The following UBR1 variants were observed in gnomAD, a reference collection of about 807,000 sequenced individuals.
UBR1 encodes E3 ubiquitin-protein ligase UBR1.
UBR1 carries 102 observed loss-of-function variants against 242.1 expected under a neutral mutation model. The observed-to-expected ratio is 0.42, with a 90% CI of 0.36 to 0.50. The LOEUF is 0.50. UBR1 is among the 20% of genes least tolerant of loss of function. The pLI is 0.01. For synonymous variants in UBR1, 675 were observed against 684.8 expected, an observed-to-expected ratio of 0.99 and a Z score of 0.22; for missense variants, 1,772 against 2,101.8, an observed-to-expected ratio of 0.84 and a Z score of 3.07.
chr15:43,055,022 C>T, intron 11 of UBR1, 123 bp from the exon 12 acceptor site: 1 of 1,175,966 alleles, frequency 8.5e-7, no homozygotes, highest in Non-Finnish European at 1.2e-6. Flanking sequence ...GAATGTTAAA[C>T]ACAGTCCTTA....
chr15:43,072,613 A>C (rs1336469566), intron 4 of UBR1, among the ~76,000 whole-genome samples: 1 of 152,214 alleles, frequency 6.6e-6, no homozygotes, highest in Admixed American at 6.5e-5. Flanking sequence ...TGACTTCAGG[A>C]GGAAAACATC....
At position 42,960,009 on chromosome 15, in the gene UBR1, GT is replaced by G. The variant is rs1199271605; in HGVS notation, c.4757+635del. On this transcript the variant is annotated intron_variant, in intron 43 of 46. Transcript: ENST00000290650. ...AAATTAGACACCGTATACAATACCA[GT>G]CAGGCCCTCGGAGGGGATACAAAGA... Among the ~76,000 whole-genome samples, 11 of 152,340 alleles carry G rather than the reference GT, an allele frequency of 7.2e-5. No individual in the cohort carries two copies. In the East Asian group the frequency reaches 2.1e-3, roughly 29 times the overall value.
intron 1 of UBR1, among the ~76,000 whole-genome samples, chr15:43,093,115 G>C (rs908056263): frequency 1.3e-5 from 2 of 152,114 alleles, no homozygotes; most frequent in African/African-American, 4.8e-5. Context: ...TTCTTAACAA[G>C]TTCTCAACAT....
intron 40 of UBR1, 74 bp from the exon 41 acceptor site, chr15:42,966,360 T>C: frequency 1.3e-6 from 2 of 1,568,040 alleles, no homozygotes; most frequent in Non-Finnish European, 8.8e-7. Flanking sequence ...ATATCCCCCT[T>C]TTCAAATACA....
At chr15:42,999,760 T>C (rs1010013622) in intron 32 of UBR1, among the ~76,000 whole-genome samples, 2 of 151,830 alleles carry the variant, frequency 1.3e-5, no homozygotes, top group African/African-American at 4.8e-5. Flanking sequence ...CCCAAGAAGG[T>C]TGAGGCTGAA....
Position 43,081,404 on chromosome 15 carries a change from C to T in UBR1, c.417+1234G>A, listed in dbSNP as rs993728072. Reference sequence around the variant, plus strand: ...TGCACTCTAGCCTGGGAAATAACAGCGACACCCCATCTCAAAAAAAAAAAA... The same window carrying T: ...TGCACTCTAGCCTGGGAAATAACAGTGACACCCCATCTCAAAAAAAAAAAA... On this transcript the variant is annotated intron_variant, in intron 3 of 46. Transcript: ENST00000290650. Among the ~76,000 whole-genome samples the T allele has an allele frequency of 4.7e-5, 6 of 127,428 alleles. 1 individual carries two copies. The highest frequency in any genetic ancestry group is 2.2e-4 in the East Asian group (1 of 4,584). The allele number at this position is 127,428 out of a possible 152,430, so 83.6% of individuals were successfully genotyped here. A position where few individuals can be genotyped will look rare whatever the true frequency, so the allele number is the denominator to read the frequency against.
chr15:43,055,339 G>A (rs2033603888), intron 11 of UBR1, among the ~76,000 whole-genome samples: 1 of 152,082 alleles, frequency 6.6e-6, no homozygotes. Flanking sequence ...AGTTATTCAG[G>A]AGGCTGAGGC....
chr15:43,000,315 A>C (rs1476300534), intron 32 of UBR1, among the ~76,000 whole-genome samples: 6 of 152,364 alleles, frequency 3.9e-5, no homozygotes, highest in South Asian at 4.1e-4. Context: ...AACTAGTTCT[A>C]AGAGTTTTAA....
chr15:43,070,220 T>C (rs1361575350), intron 5 of UBR1, among the ~76,000 whole-genome samples: 2 of 134,928 alleles, frequency 1.5e-5, no homozygotes, highest in African/African-American at 5.7e-5. Context: ...GAAAGACTTA[T>C]GGCTACCAGA....
chr15:43,078,630 T>C (rs2033935578), intron 3 of UBR1, among the ~76,000 whole-genome samples: 1 of 152,122 alleles, frequency 6.6e-6, no homozygotes, highest in African/African-American at 2.4e-5. Flanking sequence ...AAACAAGCAT[T>C]TGGTGATTAT....
intron 33 of UBR1, among the ~76,000 whole-genome samples, chr15:42,993,044 T>C (rs2032580086): frequency 6.6e-6 from 1 of 152,118 alleles, no homozygotes. Context: ...AGAGGAAAAA[T>C]AAAATAAACA....
intron 15 of UBR1, among the ~76,000 whole-genome samples, chr15:43,039,742 T>A (rs2033391178): frequency 6.6e-6 from 1 of 152,186 alleles, no homozygotes; most frequent in Admixed American, 6.5e-5. Context: ...AGAGAAGGCA[T>A]CCTTGTCTTG....
Position 43,070,992 on chromosome 15 carries a change from T to G in UBR1, c.529-67A>C, listed in dbSNP as rs2033818137. The G allele has an allele frequency of 1.3e-6, 2 of 1,581,940 alleles. 1 individual carries two copies. ...ACAAATAAATGGATAAGGAAGGTAA[T>G]GTTAAGTTAAAATAATCACTTTGCT... On this transcript the variant is annotated intron_variant, in intron 4 of 46. Coordinates refer to ENST00000290650, the MANE Select transcript of UBR1 (RefSeq NM_174916.3).
chr15:43,104,539 A>G (rs1308460357), intron 1 of UBR1, among the ~76,000 whole-genome samples: 4 of 152,134 alleles, frequency 2.6e-5, no homozygotes, highest in African/African-American at 7.2e-5. Flanking sequence ...GAAAACGGCA[A>G]GCACTGACAT....
chr15:43,079,762 A>G (rs1472203663), intron 3 of UBR1, among the ~76,000 whole-genome samples: 1 of 152,218 alleles, frequency 6.6e-6, no homozygotes, highest in Non-Finnish European at 1.5e-5. Flanking sequence ...AGCCTGGGCG[A>G]CAAAGCGAGA....
chr15:42,945,358 A>T lies in UBR1; in HGVS notation c.5221T>A (p.Leu1741Ile). 6.2e-7 allele frequency: 1 copy of T among 1,614,180 alleles called. No individual in the cohort carries two copies. Among genetic ancestry groups the T allele is most frequent in the Non-Finnish European group, 8.5e-7 (1 of 1,180,028 alleles). ...IARSQETNQM[L>I]FGFNWQLL ...AGTAACTGCCAGTTGAATCCAAATAACATCTGATTAGTCTCTTGGCTCCTA... is the reference window on the plus strand; with the variant it reads ...AGTAACTGCCAGTTGAATCCAAATATCATCTGATTAGTCTCTTGGCTCCTA... The change falls in exon 47 of 47, where the codon TTA (leucine) becomes ATA (isoleucine). Residue 1741 changes from leucine to isoleucine, a missense_variant. Physicochemically the swap from Leu to Ile is conservative, Grantham distance 5. Transcript: ENST00000290650.
intron 15 of UBR1, among the ~76,000 whole-genome samples, chr15:43,041,802 CT>C (rs2033422771): frequency 6.6e-6 from 1 of 152,100 alleles, no homozygotes; most frequent in South Asian, 2.1e-4. Context: ...CACTTAATAT[CT>C]AGAATTATAT....
At chr15:42,958,689 G>A (rs2031964325) in intron 43 of UBR1, among the ~76,000 whole-genome samples, 1 of 152,152 alleles carries the variant, frequency 6.6e-6, no homozygotes, top group African/African-American at 2.4e-5. Flanking sequence ...AATATACTTA[G>A]TACTTAATAC....
At chr15:43,051,287 T>C (rs541160770) in intron 12 of UBR1, among the ~76,000 whole-genome samples, 32 of 152,314 alleles carry the variant, frequency 2.1e-4, no homozygotes, top group African/African-American at 7.7e-4. Flanking sequence ...TGGATGGAGC[T>C]AGAGGCCATT....
Sources: allele counts gnomAD v4.1 joint callset (sites outside exome capture counted in the v4.1 genomes callset), GRCh38; gene constraint gnomAD v4.1.1; transcripts MANE v1.5; gene names NCBI Gene and HGNC (gene_info 2026-07-23, HGNC 2026-07-21).